The following ZBBX variants were observed in gnomAD, a reference collection of about 807,000 sequenced individuals.
ZBBX encodes zinc finger B-box domain-containing protein 1.
In ZBBX, 101 loss-of-function variants were observed where a neutral mutation model predicts 108.5. That is an observed-to-expected ratio of 0.93 (90% CI 0.79 to 1.10). The LOEUF (loss-of-function observed/expected upper bound fraction) is 1.10. Among genes scored for constraint, ZBBX ranks in the 50% least tolerant of loss-of-function variants. The pLI, the probability that ZBBX is intolerant of heterozygous loss-of-function variation, is 0.00. For synonymous variants in ZBBX, 356 were observed against 323.4 expected, an observed-to-expected ratio of 1.10 and a Z score of -1.08; for missense variants, 1,009 against 941.4, an observed-to-expected ratio of 1.07 and a Z score of -0.94.
the ZBBX span, among the ~76,000 whole-genome samples, chr3:167,178,926 T>C: frequency 6.6e-6 from 1 of 152,186 alleles, no homozygotes; most frequent in Non-Finnish European, 1.5e-5. Flanking sequence ...GAGAGATTCA[T>C]TCTTTCCACT....
At chr3:167,398,138 T>C (rs2108641373) in intron 1 of ZBBX, among the ~76,000 whole-genome samples, 1 of 152,158 alleles carries the variant, frequency 6.6e-6, no homozygotes, top group East Asian at 1.9e-4. Flanking sequence ...TCAAGCAAGA[T>C]TACAGATAAT....
rs547596997 is a variant in ZBBX at position 167,327,138 on chromosome 3, T to TAA, written c.862+802_862+803dup. Reference sequence around the variant, plus strand: ...TGTCTAGAATGTAGGAGCGAAATTATAAAAAAAAAAAAAAGAACGAAAAGT... The same window carrying TAA: ...TGTCTAGAATGTAGGAGCGAAATTATAAAAAAAAAAAAAAAAGAACGAAAAGT... On this transcript the variant is annotated intron_variant, in intron 11 of 21. Coordinates refer to ENST00000675490, the MANE Select transcript of ZBBX (RefSeq NM_001199201.2). Among the ~76,000 whole-genome samples the TAA allele has an allele frequency of 8.4e-3, 970 of 115,280 alleles. 11 individuals carry two copies. The highest frequency in any genetic ancestry group is 0.029 in the African/African-American group (904 of 31,542). 75.6% of individuals were successfully genotyped at this position (115,280 alleles called of 152,430 possible).
Position 167,242,566 on chromosome 3 carries a change from T to C in ZBBX, c.2332A>G (p.Ile778Val), listed in dbSNP as rs763497869. 2.5e-6 allele frequency: 4 copies of C among 1,613,800 alleles called. No individual in the cohort carries two copies. In the South Asian group the frequency reaches 4.4e-5, roughly 18 times the overall value. Residue 778 changes from isoleucine (I) to valine (V), a missense_variant, in exon 21 of 22, where the codon ATT (isoleucine) becomes GTT (valine). Coordinates refer to ENST00000675490, the MANE Select transcript of ZBBX (RefSeq NM_001199201.2). ...GAGGTCTTAAGGAAATCTGTGGAAA[T>C]CTGACTTATATTCAGTGATTGGCTG... ...FSSQSLNISQISTDFLKTSHV... is the reference protein window; with the variant it reads ...FSSQSLNISQVSTDFLKTSHV...
chr3:167,348,366 A>AAGAAAGAAAGAC (rs1742025444), intron 9 of ZBBX, among the ~76,000 whole-genome samples: 1 of 147,084 alleles, frequency 6.8e-6, no homozygotes, highest in African/African-American at 2.6e-5. Context: ...GAAAGAAAGA[A>AAGAAAGAAAGAC]AGAAAAAAAA....
At chr3:167,277,736 G>T (rs991919838) in intron 20 of ZBBX, among the ~76,000 whole-genome samples, 5 of 152,032 alleles carry the variant, frequency 3.3e-5, no homozygotes, top group African/African-American at 1.2e-4. Flanking sequence ...ACTCAGCTCT[G>T]CACCAAGCAG....
At chr3:167,341,709 T>C (rs1233545742) in intron 9 of ZBBX, among the ~76,000 whole-genome samples, 2 of 151,990 alleles carry the variant, frequency 1.3e-5, no homozygotes, top group Non-Finnish European at 2.9e-5. Context: ...ACTTGCAATT[T>C]TTTTCAACTA....
At chr3:167,366,878 C>A (rs1171597362) in intron 5 of ZBBX, 2 of 455,946 alleles carry the variant, frequency 4.4e-6, no homozygotes, top group East Asian at 7.0e-5. Context: ...AAAGAATTGG[C>A]CACTGGGTCA....
intron 17 of ZBBX, among the ~76,000 whole-genome samples, chr3:167,300,205 T>C (rs1288448406): frequency 6.6e-6 from 1 of 152,298 alleles, no homozygotes; most frequent in Non-Finnish European, 1.5e-5. Flanking sequence ...CAGAAACCCA[T>C]TAGTTTGTTG....
the ZBBX span, among the ~76,000 whole-genome samples, chr3:167,231,269 A>G: frequency 6.6e-6 from 1 of 151,834 alleles, no homozygotes; most frequent in Non-Finnish European, 1.5e-5. Context: ...CTCTTCCCTA[A>G]GCATAGCAAT....
the ZBBX span, among the ~76,000 whole-genome samples, chr3:167,192,746 CTGT>C: frequency 6.6e-6 from 1 of 152,116 alleles, no homozygotes; most frequent in South Asian, 2.1e-4. Flanking sequence ...ATCTTTTCTG[CTGT>C]TAAGAGCCTC....
At chr3:167,342,370 T>C (rs1001158067) in intron 9 of ZBBX, among the ~76,000 whole-genome samples, 3 of 151,832 alleles carry the variant, frequency 2.0e-5, no homozygotes, top group Middle Eastern at 3.2e-3. Flanking sequence ...CCCTCCAAAA[T>C]TGAGATTCTA....
At chr3:167,307,067 CA>C (rs1733776853) in intron 16 of ZBBX, among the ~76,000 whole-genome samples, 1 of 152,084 alleles carries the variant, frequency 6.6e-6, no homozygotes, top group African/African-American at 2.4e-5. Context: ...AGGCTTTCGA[CA>C]AAATTCAACA....
At chr3:167,263,294 G>A (rs148863311) in intron 20 of ZBBX, among the ~76,000 whole-genome samples, 65 of 151,932 alleles carry the variant, frequency 4.3e-4, no homozygotes, top group South Asian at 1.9e-3. Flanking sequence ...CCTGTCCTCT[G>A]GTTCTTTAAG....
chr3:167,264,823 T>G (rs936140616), intron 20 of ZBBX, among the ~76,000 whole-genome samples: 1 of 152,188 alleles, frequency 6.6e-6, no homozygotes, highest in Admixed American at 6.5e-5. Flanking sequence ...CTCTTCCCTT[T>G]CTATAGGCAG....
the ZBBX span, among the ~76,000 whole-genome samples, chr3:167,204,198 CTTTTT>C: frequency 1.7e-5 from 2 of 118,106 alleles, no homozygotes; most frequent in East Asian, 5.4e-4. Flanking sequence ...TTCTTTTTTT[CTTTTT>C]TTTTTTTTTA....
the ZBBX span, among the ~76,000 whole-genome samples, chr3:167,230,293 T>A: frequency 6.6e-6 from 1 of 151,854 alleles, no homozygotes; most frequent in Non-Finnish European, 1.5e-5. Flanking sequence ...ACAACATTTC[T>A]TTATTAAGTT....
At chr3:167,358,703 G>A (rs183063091) in intron 8 of ZBBX, among the ~76,000 whole-genome samples, 1 of 152,094 alleles carries the variant, frequency 6.6e-6, no homozygotes, top group Non-Finnish European at 1.5e-5. Context: ...TTGGGAGGCA[G>A]AGGCAGGCGG....
the ZBBX span, among the ~76,000 whole-genome samples, chr3:167,188,403 G>C: frequency 6.6e-6 from 1 of 152,220 alleles, no homozygotes; most frequent in Non-Finnish European, 1.5e-5. Flanking sequence ...ATTCTGTAAT[G>C]GAATTATGTA....
At chr3:167,377,594 G>A (rs751768504) in intron 2 of ZBBX, among the ~76,000 whole-genome samples, 1 of 151,812 alleles carries the variant, frequency 6.6e-6, no homozygotes, top group African/African-American at 2.4e-5. Flanking sequence ...TGTTAAATGA[G>A]AATTTAAAAT....
Sources: allele counts gnomAD v4.1 joint callset (sites outside exome capture counted in the v4.1 genomes callset), GRCh38; gene constraint gnomAD v4.1.1; transcripts MANE v1.5; gene names NCBI Gene and HGNC (gene_info 2026-07-23, HGNC 2026-07-21).